Variants in BSN observed in about 807,000 individuals in gnomAD.
The protein encoded by BSN is protein bassoon.
Under a neutral mutation model 264.8 loss-of-function variants are expected in BSN, and 57 were observed. The ratio of observed to expected loss-of-function variants is 0.22; its 90% CI spans 0.17 to 0.27. BSN has a LOEUF of 0.27. Ranked by LOEUF, BSN falls within the 10% of genes least tolerant of loss-of-function variation. The pLI, the probability that BSN is intolerant of heterozygous loss-of-function variation, is 1.00. For synonymous variants in BSN, 2,059 were observed against 2,137.3 expected (o/e 0.96, Z 1.01); for missense variants, 4,615 against 5,232.5 (o/e 0.88, Z 3.64).
chr3:49,570,085 C>T (rs974284721), intron 1 of BSN, among the ~76,000 whole-genome samples: 2 of 152,180 alleles, frequency 1.3e-5, no homozygotes, highest in Non-Finnish European at 2.9e-5. Flanking sequence ...GAAGCTGGCT[C>T]GGAAGCCAAC....
chr3:49,624,412 C>T (rs1471215510), intron 1 of BSN, among the ~76,000 whole-genome samples: 1 of 149,724 alleles, frequency 6.7e-6, no homozygotes, highest in Non-Finnish European at 1.5e-5. Flanking sequence ...GATTCTCCCA[C>T]CTCAGCCTCC....
In BSN at chr3:49,653,637, G is replaced by C; in HGVS notation, c.4081G>C (p.Ala1361Pro). ...QDPLKLHSSP[A>P]SPSSASKEIG... is the part of the protein sequence containing the mutation. ...CCCCCTCAAGCTGCACAGCTCTCCT[G>C]CCTCCCCCAGCTCAGCCTCCAAGGA... is the stretch of plus-strand genomic sequence containing the variant. The change falls in exon 5 of 12, where the codon GCC becomes CCC. Residue 1361 changes from alanine to proline, a missense_variant. By Grantham distance (27) the Ala-to-Pro change is conservative. Coordinates refer to ENST00000296452, the MANE Select transcript of BSN (RefSeq NM_003458.4). This position sits in a 1 kb window ranked among gnomAD's most constrained non-coding sequence, Gnocchi z 6.3. 1 of 1,613,742 alleles carries C rather than the reference G, an allele frequency of 6.2e-7. No homozygotes were observed. Among genetic ancestry groups the C allele is most frequent in the East Asian group, 2.2e-5 (1 of 44,856 alleles).
chr3:49,623,291 T>A (rs1429759410), intron 1 of BSN, among the ~76,000 whole-genome samples: 3 of 152,212 alleles, frequency 2.0e-5, no homozygotes, highest in Non-Finnish European at 4.4e-5. Context: ...TCTCAGCAAG[T>A]CAGCCCTGTT....
chr3:49,559,468 G>A (rs946840779), intron 1 of BSN, among the ~76,000 whole-genome samples: 2 of 152,088 alleles, frequency 1.3e-5, no homozygotes, highest in Non-Finnish European at 2.9e-5. Context: ...TAAGGGCTTT[G>A]CATGAACATA....
Position 49,655,735 on chromosome 3 carries a change from G to A in BSN, c.6179G>A (p.Arg2060His), listed in dbSNP as rs779879225. The change falls in exon 5 of 12, where the codon CGC becomes CAC. Residue 2060 changes from arginine (R) to histidine (H), a missense_variant. Arg to His is a conservative substitution (Grantham distance 29). Transcript: ENST00000296452. Reference sequence around the variant, plus strand: ...TTGGCTCACCCGCTTCCCATGCGGCGCTATAGCTCAGTGTCGAACATCTAC... The same window carrying A: ...TTGGCTCACCCGCTTCCCATGCGGCACTATAGCTCAGTGTCGAACATCTAC... ...DLLAHPLPMR[R>H]YSSVSNIYSD... 8 of 1,613,498 alleles carry A rather than the reference G, an allele frequency of 5.0e-6. No individual in the cohort carries two copies. The highest frequency in any genetic ancestry group is 1.1e-5 in the South Asian group (1 of 91,082).
chr3:49,557,992 C>G (rs77431488), intron 1 of BSN, among the ~76,000 whole-genome samples: 8 of 152,172 alleles, frequency 5.3e-5, no homozygotes, highest in Non-Finnish European at 1.0e-4. Flanking sequence ...TATAGTGCTT[C>G]CCTGTCCTTC....
rs570604910 is a variant in BSN at position 49,621,795 on chromosome 3, G to A, written c.225-3180G>A. On this transcript the variant is annotated intron_variant, in intron 1 of 11. Transcript: ENST00000296452. ...CACAGCAGCGTCGTCCTAGCTTACC[G>A]TAACCTTGATCTCCTGGGCTCAAGA... Among the ~76,000 whole-genome samples, 6 of 152,230 alleles carry A rather than the reference G, an allele frequency of 3.9e-5. No individual in the cohort carries two copies. The South Asian group carries it at 8.3e-4, about 21-fold the overall frequency.
intron 1 of BSN, among the ~76,000 whole-genome samples, chr3:49,593,340 C>T (rs1287295202): frequency 2.0e-5 from 3 of 152,178 alleles, no homozygotes; most frequent in Admixed American, 6.6e-5. Flanking sequence ...TGGTCTATTA[C>T]AAATAAACCT....
At position 49,660,731 on chromosome 3, in the gene BSN, G is replaced by A. The variant is rs1487559397; in HGVS notation, c.8886G>A (p.Gln2962=). Reference sequence around the variant, plus strand: ...AGTCCACCAAACTGCGCAAGAAGCAGGCAGAGCTGGATGAGGAGGAGAAGG... The same window carrying A: ...AGTCCACCAAACTGCGCAAGAAGCAAGCAGAGCTGGATGAGGAGGAGAAGG... ...EHESTKLRKK[Q]AELDEEEKEI... Residue 2962 remains glutamine, a synonymous_variant, in exon 6 of 12, where the codon CAG becomes CAA. Coordinates refer to ENST00000296452, the MANE Select transcript of BSN (RefSeq NM_003458.4). The surrounding 1 kb of genome is among the most constrained non-coding windows in gnomAD (Gnocchi z 7.1). 32 of 1,613,102 alleles carry A rather than the reference G, an allele frequency of 2.0e-5. No homozygotes were observed. Among genetic ancestry groups the A allele is most frequent in the Non-Finnish European group, 2.5e-5 (30 of 1,179,946 alleles).
intron 3 of BSN, among the ~76,000 whole-genome samples, chr3:49,649,708 G>C (rs1307416059): frequency 6.6e-6 from 1 of 152,238 alleles, no homozygotes; most frequent in African/African-American, 2.4e-5. Context: ...TAAATGACCT[G>C]TTTGGGGTTG....
intron 1 of BSN, among the ~76,000 whole-genome samples, chr3:49,605,872 T>TTCTATATAGATATAAATATATTTATATC (rs2052130674): frequency 2.1e-5 from 1 of 48,140 alleles, no homozygotes; most frequent in Non-Finnish European, 3.7e-5. Flanking sequence ...TTATATCTAT[T>TTCTATATAGATATAAATATATTTATATC]TATATATAGA....
intron 1 of BSN, among the ~76,000 whole-genome samples, chr3:49,620,236 C>A (rs1575439801): frequency 6.6e-6 from 1 of 151,950 alleles, no homozygotes; most frequent in East Asian, 1.9e-4. Flanking sequence ...ACCAACCTGG[C>A]CAATATGGTG....
chr3:49,575,529 TATGTAAATATATGTGTGTATAG>T (rs1559595773), intron 1 of BSN, among the ~76,000 whole-genome samples: 1 of 147,556 alleles, frequency 6.8e-6, no homozygotes, highest in African/African-American at 2.5e-5. Context: ...TGTGTGTATA[TATGTAAATATATGTGTGTATAG>T]ATGTAAATAT....
Position 49,662,536 on chromosome 3 carries a change from C to G in BSN, c.10691C>G (p.Ser3564Cys), listed in dbSNP as rs1400899848. ...GAGGAGGGCTACATCCTGGATGATTCCCATTGCGTGGTTTCCGACAGCGAA... is the reference window on the plus strand; with the variant it reads ...GAGGAGGGCTACATCCTGGATGATTGCCATTGCGTGGTTTCCGACAGCGAA... ...KREEGYILDD[S>C]HCVVSDSEAY... The change falls in exon 6 of 12, where the codon TCC becomes TGC. Residue 3564 changes from serine to cysteine, a missense_variant. By Grantham distance (112) the Ser-to-Cys change is moderately radical (BLOSUM62 -1). Around this residue, in one of 3 missense-constraint regions of BSN, gnomAD observed 3,415 missense variants for 3,866.4 expected, o/e 0.88. Coordinates refer to ENST00000296452, the MANE Select transcript of BSN (RefSeq NM_003458.4). 6.3e-6 allele frequency: 10 copies of G among 1,595,956 alleles called. No homozygotes were observed. Among genetic ancestry groups the G allele is most frequent in the Admixed American group, 3.5e-5 (2 of 57,284 alleles).
Position 49,663,891 on chromosome 3 carries a change from G to A in BSN, c.11608+5G>A. On this transcript the variant is annotated splice_donor_5th_base_variant and intron_variant, in intron 8 of 11. Coordinates refer to ENST00000296452, the MANE Select transcript of BSN (RefSeq NM_003458.4). Reference sequence around the variant, plus strand: ...CACCAGGACCTGGACCTGCAGGTGAGCCTATCCTTTGACACCCTTGGCTGT... The same window carrying A: ...CACCAGGACCTGGACCTGCAGGTGAACCTATCCTTTGACACCCTTGGCTGT... 6.2e-7 allele frequency: 1 copy of A among 1,613,600 alleles called. No homozygotes were observed. The highest frequency in any genetic ancestry group is 8.5e-7 in the Non-Finnish European group (1 of 1,179,784).
chr3:49,621,608 A>G lies in BSN; in HGVS notation c.225-3367A>G, dbSNP rs2052306242. ...CGGATTTGATGATGTGGAGGTCCCT[A>G]CTGACTGTGACCTGAGTAATGTCTG... On this transcript the variant is annotated intron_variant, in intron 1 of 11. Coordinates refer to ENST00000296452, the MANE Select transcript of BSN (RefSeq NM_003458.4). 2.0e-5 allele frequency among the ~76,000 whole-genome samples: 3 copies of G among 152,170 alleles called. No homozygotes were observed. The South Asian group carries it at 6.2e-4, about 32-fold the overall frequency.
chr3:49,564,495 T>G (rs1248727745), intron 1 of BSN, among the ~76,000 whole-genome samples: 1 of 152,208 alleles, frequency 6.6e-6, no homozygotes, highest in Non-Finnish European at 1.5e-5. Flanking sequence ...ACTAAGGCAA[T>G]GTACTTGTTT....
In BSN at chr3:49,654,325, C is replaced by A. The variant is rs752603248; in HGVS notation, c.4769C>A (p.Thr1590Asn). ...PLCSPTETQP[T>N]THGYSQTTPP... ...TGCTCACCTACTGAAACCCAGCCCA[C>A]CACCCATGGCTACAGCCAGACAACA... The change falls in exon 5 of 12, where the codon ACC (threonine) becomes AAC (asparagine). Residue 1590 changes from threonine (T) to asparagine (N), a missense_variant. Transcript: ENST00000296452. This position sits in a 1 kb window ranked among gnomAD's most constrained non-coding sequence, Gnocchi z 4.1. 54 of 1,613,500 alleles carry A rather than the reference C, an allele frequency of 3.3e-5. No homozygotes were observed. The highest frequency in any genetic ancestry group is 4.3e-5 in the Non-Finnish European group (51 of 1,179,926).
chr3:49,599,926 A>G (rs554391672), intron 1 of BSN, among the ~76,000 whole-genome samples: 1 of 152,260 alleles, frequency 6.6e-6, no homozygotes, highest in East Asian at 1.9e-4. Context: ...GAAGCAAAAC[A>G]TCCTGAATTT....
Sources: gnomAD v4.1 joint callset for allele counts (sites outside exome capture counted in the v4.1 genomes callset) on GRCh38, gnomAD v4.1.1 for gene constraint, gnomAD v4.1.1 regional missense constraint, Gnocchi (gnomAD v3.1) non-coding constraint, MANE v1.5 for transcripts, NCBI Gene and HGNC (gene_info 2026-07-23, HGNC 2026-07-21) for gene names.